Variants in ARHGAP17 observed in about 807,000 individuals in gnomAD.
ARHGAP17 encodes Rho GTPase activating protein 17, also known as rho GTPase-activating protein 17.
In ARHGAP17, 57 loss-of-function variants were observed where a neutral mutation model predicts 99.5. That is an observed-to-expected ratio of 0.57 (90% CI 0.46 to 0.71). ARHGAP17 has a LOEUF of 0.71. Among genes scored for constraint, ARHGAP17 ranks in the 30% least tolerant of loss-of-function variants. The probability of loss-of-function intolerance (pLI) is 0.00; values close to 1 mark genes in which losing one functional copy is unlikely to be tolerated. For missense variants in ARHGAP17, 1,000 were observed against 1,122.4 expected (o/e 0.89, Z 1.56); for synonymous variants, 417 against 429.6 (o/e 0.97, Z 0.36).
At chr16:24,935,662 T>C in intron 17 of ARHGAP17, 23 bp from the exon 18 acceptor site, 1 of 1,611,810 alleles carries the variant, frequency 6.2e-7, no homozygotes, top group Non-Finnish European at 8.5e-7. Flanking sequence ...AAAGTCAAGT[T>C]AGACGTCAGA....
At chr16:24,939,281 A>G (rs935498182) in intron 17 of ARHGAP17, 83 bp downstream of exon 17, 4 of 1,290,418 alleles carry the variant, frequency 3.1e-6, no homozygotes, top group African/African-American at 1.5e-5. Context: ...TTCTTTGGGC[A>G]TGGATGCCGT....
intron 1 of ARHGAP17, among the ~76,000 whole-genome samples, chr16:24,982,709 T>C (rs749516186): frequency 1.3e-4 from 20 of 152,108 alleles, no homozygotes; most frequent in Non-Finnish European, 2.8e-4. Flanking sequence ...AGTGTTCACC[T>C]TTACCAGAGA....
intron 1 of ARHGAP17, among the ~76,000 whole-genome samples, chr16:25,002,068 G>A (rs1475923855): frequency 2.7e-4 from 41 of 149,828 alleles, no homozygotes; most frequent in Non-Finnish European, 5.5e-4. Context: ...GTGACAGAGC[G>A]AGACTCCATC....
intron 7 of ARHGAP17, among the ~76,000 whole-genome samples, chr16:24,963,697 C>T (rs1171700910): frequency 6.6e-6 from 1 of 152,134 alleles, no homozygotes; most frequent in East Asian, 1.9e-4. Flanking sequence ...TCTATTTCTC[C>T]CAAATTACAA....
Position 24,959,657 on chromosome 16 carries a change from G to C in ARHGAP17, c.724+14C>G. 6.2e-7 allele frequency: 1 copy of C among 1,612,720 alleles called. No individual in the cohort carries two copies. Among genetic ancestry groups the C allele is most frequent in the Non-Finnish European group, 8.5e-7 (1 of 1,179,342 alleles). Reference sequence around the variant, plus strand: ...GGCAAGAAGGAAGCATCAGCCGCACGCGGGTTACATTACCTTGATGGGCTC... The same window carrying C: ...GGCAAGAAGGAAGCATCAGCCGCACCCGGGTTACATTACCTTGATGGGCTC... On this transcript the variant is annotated intron_variant, in intron 9 of 19. Transcript: ENST00000289968.
chr16:25,014,132 AG>A (rs561317880), intron 1 of ARHGAP17, among the ~76,000 whole-genome samples: 11 of 152,068 alleles, frequency 7.2e-5, no homozygotes, highest in Non-Finnish European at 1.6e-4. Flanking sequence ...AAAACTCGAG[AG>A]GAAGTAAAAG....
At chr16:24,939,056 T>TG (rs1225426806) in intron 17 of ARHGAP17, among the ~76,000 whole-genome samples, 1 of 152,218 alleles carries the variant, frequency 6.6e-6, no homozygotes, top group African/African-American at 2.4e-5. Flanking sequence ...ACATGAATGC[T>TG]GACAGTATAC....
intron 1 of ARHGAP17, among the ~76,000 whole-genome samples, chr16:25,014,820 G>A (rs1317267876): frequency 6.6e-6 from 1 of 152,368 alleles, no homozygotes; most frequent in South Asian, 2.1e-4. Flanking sequence ...CAGCGTTAGG[G>A]ACAGAAGTCA....
intron 1 of ARHGAP17, among the ~76,000 whole-genome samples, chr16:25,008,084 ATAT>A (rs1222353832): frequency 6.6e-6 from 1 of 152,208 alleles, no homozygotes; most frequent in Non-Finnish European, 1.5e-5. Flanking sequence ...AATATGGGAA[ATAT>A]TATTTACAGT....
intron 10 of ARHGAP17, among the ~76,000 whole-genome samples, chr16:24,954,160 G>A (rs973530451): frequency 6.6e-6 from 1 of 152,068 alleles, no homozygotes; most frequent in Non-Finnish European, 1.5e-5. Context: ...GTTCATGGGG[G>A]GTTTGGGGTA....
At chr16:24,932,576 G>A (rs1173464040) in intron 18 of ARHGAP17, among the ~76,000 whole-genome samples, 1 of 152,040 alleles carries the variant, frequency 6.6e-6, no homozygotes, top group Non-Finnish European at 1.5e-5. Context: ...GGTTTGATTG[G>A]TCTTAATAAC....
At chr16:24,989,579 G>A (rs963667425) in intron 1 of ARHGAP17, among the ~76,000 whole-genome samples, 4 of 152,054 alleles carry the variant, frequency 2.6e-5, no homozygotes, top group African/African-American at 7.2e-5. Flanking sequence ...GTAGATGAGT[G>A]GTTGGCTTTG....
intron 1 of ARHGAP17, among the ~76,000 whole-genome samples, chr16:24,980,056 G>C (rs989124297): frequency 5.9e-5 from 9 of 152,174 alleles, no homozygotes; most frequent in African/African-American, 1.9e-4. Context: ...TTTCAGCTCT[G>C]AACAGTGAAG....
At chr16:24,954,791 T>A in intron 9 of ARHGAP17, 61 bp from the exon 10 acceptor site, 1 of 1,595,714 alleles carries the variant, frequency 6.3e-7, no homozygotes, top group South Asian at 1.1e-5. Flanking sequence ...CAAGCTATTT[T>A]CTCCCCAACT....
rs751514876 is a variant in ARHGAP17 at position 24,952,933 on chromosome 16, G to C, written c.962C>G (p.Ala321Gly). 1 of 1,613,914 alleles carries C rather than the reference G, an allele frequency of 6.2e-7. No individual in the cohort carries two copies. The highest frequency in any genetic ancestry group is 8.5e-7 in the Non-Finnish European group (1 of 1,179,826). ...DEFYSDPHAV[A>G]GALKSYLREL... The stretch of plus-strand genomic sequence containing the variant: ...TGCAGACACTCTTTGGCGCTCACCT[G>C]CTACAGCATGGGGGTCTGAATAGAA... Residue 321 changes from alanine to glycine, a missense_variant and splice_region_variant, in exon 11 of 20, where the codon GCA becomes GGA. This residue lies in a region of ARHGAP17 where 472 missense variants were observed against 611.1 expected (regional missense o/e 0.77). Coordinates refer to ENST00000289968, the MANE Select transcript of ARHGAP17 (RefSeq NM_001006634.3).
At chr16:24,933,903 A>G (rs2051063710) in intron 18 of ARHGAP17, among the ~76,000 whole-genome samples, 1 of 152,198 alleles carries the variant, frequency 6.6e-6, no homozygotes, top group Non-Finnish European at 1.5e-5. Context: ...TATAAGGAAA[A>G]GAGTCTTCTT....
At chr16:24,963,974 G>A (rs2052093489) in intron 7 of ARHGAP17, among the ~76,000 whole-genome samples, 1 of 151,784 alleles carries the variant, frequency 6.6e-6, no homozygotes. Context: ...AATAAGCTTA[G>A]ACATCTTGTC....
chr16:24,926,887 AGGCCGGGTCCGG>A (rs2050856432), intron 19 of ARHGAP17, among the ~76,000 whole-genome samples: 1 of 152,210 alleles, frequency 6.6e-6, no homozygotes, highest in East Asian at 1.9e-4. Context: ...GGGTCCTAGA[AGGCCGGGTCCGG>A]GCGTATGAGT....
In ARHGAP17 at chr16:24,931,035, G is replaced by A. The variant is rs1477824638; in HGVS notation, c.2264C>T (p.Pro755Leu). 5 of 1,610,982 alleles carry A rather than the reference G, an allele frequency of 3.1e-6. No homozygotes were observed. Among genetic ancestry groups the A allele is most frequent in the Non-Finnish European group, 4.2e-6 (5 of 1,178,372 alleles). The change falls in exon 19 of 20, where the codon CCC becomes CTC. Residue 755 changes from proline (P) to leucine (L), a missense_variant. Physicochemically the swap from Pro to Leu is moderately conservative, Grantham distance 98. Coordinates refer to ENST00000289968, the MANE Select transcript of ARHGAP17 (RefSeq NM_001006634.3). The stretch of plus-strand genomic sequence containing the variant: ...AGTACTGGGGGGCGTTGGAGTCTGG[G>A]GAGGGGTGTGAGATGGCTGCTCAAG... ...HGLEQPSHTP[P>L]QTPTPPSTPP...
Sources: gnomAD v4.1 joint callset for allele counts (sites outside exome capture counted in the v4.1 genomes callset) on GRCh38, gnomAD v4.1.1 for gene constraint, gnomAD v4.1.1 regional missense constraint, MANE v1.5 for transcripts, NCBI Gene and HGNC (gene_info 2026-07-23, HGNC 2026-07-21) for gene names.